BTBD9: variants seen among roughly 807,000 people sequenced by gnomAD.
BTBD9 encodes the protein BTB/POZ domain-containing protein 9.
A neutral mutation model predicts 64.3 loss-of-function variants in BTBD9; 49 were observed. That is an observed-to-expected ratio of 0.76 (90% CI 0.61 to 0.97). BTBD9 has a LOEUF of 0.97. BTBD9 is among the 50% of genes least tolerant of loss of function. BTBD9 has a pLI of 0.00. For missense variants in BTBD9, 598 were observed against 762.1 expected, an observed-to-expected ratio of 0.78 and a Z score of 2.53; for synonymous variants, 260 against 274.7, an observed-to-expected ratio of 0.95 and a Z score of 0.53.
rs116075564 is a variant in BTBD9 at position 38,572,888 on chromosome 6, G to A, written c.1154+4712C>T. Among the ~76,000 whole-genome samples the A allele has an allele frequency of 6.3e-3, 958 of 151,784 alleles. 6 individuals carry two copies. Among genetic ancestry groups the A allele is most frequent in the Non-Finnish European group, 0.011 (718 of 67,916 alleles). ...CAAGCCAGAAATCATTTAAAAGACT[G>A]ACAGATTTGAATACATTTTTTAAAA... On this transcript the variant is annotated intron_variant, in intron 6 of 10. Coordinates refer to ENST00000481247, the MANE Select transcript of BTBD9 (RefSeq NM_001099272.2).
intron 6 of BTBD9, among the ~76,000 whole-genome samples, chr6:38,567,064 A>C (rs1311291678): frequency 6.6e-6 from 1 of 152,218 alleles, no homozygotes; most frequent in Non-Finnish European, 1.5e-5. Flanking sequence ...AGAAGGAAAA[A>C]CGTCTTTTGG....
chr6:38,213,752 C>T (rs184066937), intron 9 of BTBD9, among the ~76,000 whole-genome samples: 5 of 152,082 alleles, frequency 3.3e-5, no homozygotes, highest in Non-Finnish European at 7.4e-5. Flanking sequence ...GAGGCTGAGG[C>T]GGGCGGATCA....
chr6:38,423,503 C>T (rs918132486), intron 6 of BTBD9, among the ~76,000 whole-genome samples: 8 of 152,056 alleles, frequency 5.3e-5, no homozygotes, highest in Non-Finnish European at 1.0e-4. Flanking sequence ...TAAGGTCTCA[C>T]TATATTGCCC....
At chr6:38,220,929 T>A (rs1297441861) in intron 9 of BTBD9, among the ~76,000 whole-genome samples, 1 of 152,204 alleles carries the variant, frequency 6.6e-6, no homozygotes, top group Non-Finnish European at 1.5e-5. Context: ...AGAAAGGCTC[T>A]CCAAGGTCAT....
At chr6:38,299,925 C>T (rs977431344) in intron 7 of BTBD9, among the ~76,000 whole-genome samples, 14 of 152,168 alleles carry the variant, frequency 9.2e-5, no homozygotes, top group African/African-American at 3.4e-4. Context: ...GACATGAAGT[C>T]CTTGACCATG....
chr6:38,473,262 A>G (rs958666193), intron 6 of BTBD9, among the ~76,000 whole-genome samples: 1 of 152,234 alleles, frequency 6.6e-6, no homozygotes, highest in Non-Finnish European at 1.5e-5. Context: ...TGGAACCTCA[A>G]TAAAAAGAAG....
At chr6:38,227,167 A>C (rs528468946) in intron 9 of BTBD9, among the ~76,000 whole-genome samples, 1 of 152,348 alleles carries the variant, frequency 6.6e-6, no homozygotes, top group South Asian at 2.1e-4. Context: ...AAGGAGATGC[A>C]GAACACTGTT....
intron 1 of BTBD9, among the ~76,000 whole-genome samples, chr6:38,638,297 A>G (rs896446375): frequency 4.6e-5 from 7 of 151,920 alleles, no homozygotes; most frequent in African/African-American, 1.7e-4. Context: ...TCTCAAAGGG[A>G]AAAAAAAGAC....
chr6:38,239,269 G>A (rs1463228986), intron 9 of BTBD9, among the ~76,000 whole-genome samples: 1 of 151,884 alleles, frequency 6.6e-6, no homozygotes, highest in Admixed American at 6.6e-5. Flanking sequence ...GTGAAACCCT[G>A]TCTCTACTAA....
chr6:38,515,440 ACTGGC>A (rs1772980603), intron 6 of BTBD9, among the ~76,000 whole-genome samples: 1 of 152,180 alleles, frequency 6.6e-6, no homozygotes, highest in African/African-American at 2.4e-5. Flanking sequence ...TGAGCTTAAA[ACTGGC>A]CTGGACTTTA....
chr6:38,608,437 C>T (rs1037663572), intron 1 of BTBD9, among the ~76,000 whole-genome samples: 1 of 152,134 alleles, frequency 6.6e-6, no homozygotes, highest in African/African-American at 2.4e-5. Context: ...ATTTCTTCAG[C>T]GGCAACTTAT....
At chr6:38,401,075 G>T (rs1766906891) in intron 6 of BTBD9, among the ~76,000 whole-genome samples, 1 of 152,120 alleles carries the variant, frequency 6.6e-6, no homozygotes, top group African/African-American at 2.4e-5. Flanking sequence ...ATTGGTATTT[G>T]ATATGGTCTG....
At chr6:38,232,737 G>A (rs1333229211) in intron 9 of BTBD9, among the ~76,000 whole-genome samples, 2 of 150,850 alleles carry the variant, frequency 1.3e-5, no homozygotes, top group Non-Finnish European at 2.9e-5. Context: ...GGGCTCAAGC[G>A]ATCTTCCCAC....
At chr6:38,207,368 T>C in intron 9 of BTBD9, 1 of 193,062 alleles carries the variant, frequency 5.2e-6, no homozygotes, top group South Asian at 7.2e-5. Flanking sequence ...ATGCCTGTAA[T>C]CCCAGCACTT....
chr6:38,216,255 A>T (rs1247497108), intron 9 of BTBD9, among the ~76,000 whole-genome samples: 1 of 152,050 alleles, frequency 6.6e-6, no homozygotes, highest in Non-Finnish European at 1.5e-5. Context: ...TGTTTTTATG[A>T]TTTTCATTTT....
intron 6 of BTBD9, among the ~76,000 whole-genome samples, chr6:38,522,510 G>A (rs1317497410): frequency 2.0e-5 from 3 of 152,166 alleles, no homozygotes; most frequent in East Asian, 1.9e-4. Flanking sequence ...CTTCTTTGAC[G>A]TCCGTCTGGG....
At chr6:38,367,934 G>GTGGTGGTAGTGA (rs1367395602) in intron 6 of BTBD9, among the ~76,000 whole-genome samples, 1 of 151,938 alleles carries the variant, frequency 6.6e-6, no homozygotes, top group Non-Finnish European at 1.5e-5. Flanking sequence ...GTGTGTAGTG[G>GTGGTGGTAGTGA]TGGTGGTAGT....
At chr6:38,424,674 G>A (rs1055694150) in intron 6 of BTBD9, among the ~76,000 whole-genome samples, 7 of 150,588 alleles carry the variant, frequency 4.6e-5, no homozygotes, top group Admixed American at 2.0e-4. Flanking sequence ...ACACCACCAC[G>A]CCGGGCTTAT....
intron 6 of BTBD9, among the ~76,000 whole-genome samples, chr6:38,560,813 A>G (rs1775232425): frequency 6.6e-6 from 1 of 152,060 alleles, no homozygotes; most frequent in Admixed American, 6.6e-5. Flanking sequence ...GCTCCCACTT[A>G]CAAGTGAGAA....
Sources: gnomAD v4.1 joint callset for allele counts (sites outside exome capture counted in the v4.1 genomes callset) on GRCh38, gnomAD v4.1.1 for gene constraint, MANE v1.5 for transcripts, NCBI Gene and HGNC (gene_info 2026-07-23, HGNC 2026-07-21) for gene names.